TAMM41: variants seen among roughly 807,000 people sequenced by gnomAD.
TAMM41 encodes the protein TAM41 mitochondrial translocator assembly and maintenance homolog, also known as phosphatidate cytidylyltransferase, mitochondrial.
Under a neutral mutation model 44.1 loss-of-function variants are expected in TAMM41, and 36 were observed. The ratio of observed to expected loss-of-function variants is 0.82; its 90% CI spans 0.63 to 1.08. TAMM41 has a LOEUF of 1.08. Ranked by LOEUF, TAMM41 falls within the 50% of genes least tolerant of loss-of-function variation. The probability of loss-of-function intolerance (pLI) is 0.00; values close to 1 mark genes in which losing one functional copy is unlikely to be tolerated. For synonymous variants in TAMM41, 164 were observed against 153.1 expected (o/e 1.07, Z -0.53); for missense variants, 417 against 404.3 (o/e 1.03, Z -0.27).
chr3:11,737,027 G>A, the TAMM41 span, among the ~76,000 whole-genome samples: 3 of 151,924 alleles, frequency 2.0e-5, no homozygotes, highest in Non-Finnish European at 4.4e-5. Flanking sequence ...TCAGGAGTCC[G>A]TCTGCACCAG....
chr3:11,840,449 G>A (rs1263858164), intron 2 of TAMM41, among the ~76,000 whole-genome samples: 1 of 151,976 alleles, frequency 6.6e-6, no homozygotes, highest in African/African-American at 2.4e-5. Flanking sequence ...TGGCCAGGCT[G>A]GTCTCAAACT....
At chr3:11,736,439 C>A in the TAMM41 span, among the ~76,000 whole-genome samples, 1 of 152,150 alleles carries the variant, frequency 6.6e-6, no homozygotes, top group African/African-American at 2.4e-5. Flanking sequence ...GAGCAAGATG[C>A]CTTTTATTAG....
At chr3:11,806,068 T>C (rs1459354311) in intron 7 of TAMM41, among the ~76,000 whole-genome samples, 1 of 152,218 alleles carries the variant, frequency 6.6e-6, no homozygotes, top group African/African-American at 2.4e-5. Context: ...ATTTTGCTCC[T>C]CATTCACCTT....
chr3:11,784,221 G>A, the TAMM41 span, among the ~76,000 whole-genome samples: 1 of 152,160 alleles, frequency 6.6e-6, no homozygotes, highest in Non-Finnish European at 1.5e-5. Context: ...AAAAAATGAT[G>A]TGGTGGCTCA....
the TAMM41 span, among the ~76,000 whole-genome samples, chr3:11,725,318 C>G: frequency 1.5e-5 from 1 of 66,150 alleles, no homozygotes; most frequent in Non-Finnish European, 3.4e-5. Context: ...TTTTTCTTCT[C>G]CTCCTCCTCC....
chr3:11,838,949 T>G (rs2079307130), intron 3 of TAMM41, among the ~76,000 whole-genome samples: 1 of 152,082 alleles, frequency 6.6e-6, no homozygotes, highest in Non-Finnish European at 1.5e-5. Flanking sequence ...TTATGAATAA[T>G]AAAAGACCCT....
the TAMM41 span, among the ~76,000 whole-genome samples, chr3:11,747,477 A>G: frequency 1.3e-5 from 2 of 152,216 alleles, no homozygotes; most frequent in Non-Finnish European, 2.9e-5. Flanking sequence ...TATCTAAATT[A>G]TACTTCAAAG....
chr3:11,832,658 G>A (rs938173362), intron 3 of TAMM41, among the ~76,000 whole-genome samples: 3 of 152,132 alleles, frequency 2.0e-5, no homozygotes, highest in Non-Finnish European at 4.4e-5. Context: ...AAGTAGTGGC[G>A]AACTGGACCG....
At chr3:11,787,876 C>G (rs554503425), downstream of TAMM41, among the ~76,000 whole-genome samples, 3 of 152,282 alleles carry the variant, frequency 2.0e-5, no homozygotes, top group South Asian at 2.1e-4. Context: ...TACTTACTCC[C>G]GAAGAGTTCC....
Position 11,801,184 on chromosome 3 carries a change from T to G in TAMM41, c.937+6649A>C, listed in dbSNP as rs555006172. Among the ~76,000 whole-genome samples the G allele has an allele frequency of 4.6e-5, 7 of 151,972 alleles. No individual in the cohort carries two copies. The South Asian group carries it at 1.2e-3, about 27-fold the overall frequency. ...CTACAAAACAAGTCTTAACAAATTTTAAAAAATCAAAATCAAGTATCTTCT... is the reference window on the plus strand; with the variant it reads ...CTACAAAACAAGTCTTAACAAATTTGAAAAAATCAAAATCAAGTATCTTCT... On this transcript the variant is annotated intron_variant, in intron 7 of 7. Transcript: ENST00000455809.
the TAMM41 span, among the ~76,000 whole-genome samples, chr3:11,778,756 G>A: frequency 6.6e-6 from 1 of 151,994 alleles, no homozygotes; most frequent in Non-Finnish European, 1.5e-5. Context: ...AGTGATGTTG[G>A]GCACCTTCTC....
intron 4 of TAMM41, among the ~76,000 whole-genome samples, chr3:11,824,461 T>C (rs924629639): frequency 2.0e-5 from 3 of 150,024 alleles, no homozygotes; most frequent in Admixed American, 6.7e-5. Flanking sequence ...GCCCGGCTAA[T>C]TTCTGTATTT....
chr3:11,819,365 C>A (rs1317267253), intron 4 of TAMM41, among the ~76,000 whole-genome samples: 1 of 152,180 alleles, frequency 6.6e-6, no homozygotes, highest in Non-Finnish European at 1.5e-5. Context: ...CATTCATACA[C>A]AAGGGAACAA....
chr3:11,840,236 A>ATTT (rs34715548), intron 2 of TAMM41, among the ~76,000 whole-genome samples: 4 of 145,360 alleles, frequency 2.8e-5, no homozygotes, highest in Non-Finnish European at 4.5e-5. Context: ...AATTAAACTC[A>ATTT]TTTTTTTTTT....
At chr3:11,794,162 T>A (rs1050551838) in intron 7 of TAMM41, among the ~76,000 whole-genome samples, 1 of 145,886 alleles carries the variant, frequency 6.9e-6, no homozygotes, top group East Asian at 2.0e-4. Flanking sequence ...TTTTTTTTTT[T>A]TTTTTACTCT....
At chr3:11,742,353 A>C in the TAMM41 span, among the ~76,000 whole-genome samples, 1 of 150,356 alleles carries the variant, frequency 6.7e-6, no homozygotes, top group Non-Finnish European at 1.5e-5. Flanking sequence ...GCAACCTTAT[A>C]GGACTGGCTT....
Position 11,809,659 on chromosome 3 carries a change from C to T in TAMM41, c.732G>A (p.Gln244=). 1 of 1,613,366 alleles carries T rather than the reference C, an allele frequency of 6.2e-7. No individual in the cohort carries two copies. Among genetic ancestry groups the T allele is most frequent in the Non-Finnish European group, 8.5e-7 (1 of 1,179,898 alleles). ...WLEIDKSPEG[Q]FTQLMTLPKT... ...TGGGCAATGTCATCAGCTGAGTGAACTGTCCTTCTGGGCTTTTATCTATCT... is the reference window on the plus strand; with the variant it reads ...TGGGCAATGTCATCAGCTGAGTGAATTGTCCTTCTGGGCTTTTATCTATCT... The change falls in exon 6 of 8, where the codon CAG becomes CAA. Residue 244 remains glutamine, a synonymous_variant. Coordinates refer to ENST00000455809, the MANE Select transcript of TAMM41 (RefSeq NM_001284401.2).
chr3:11,812,164 C>G (rs7637841), intron 5 of TAMM41, among the ~76,000 whole-genome samples: 86,411 of 151,870 alleles, frequency 0.57, 26,538 homozygotes, highest in African/African-American at 0.78. Flanking sequence ...CTGGCCTCAA[C>G]TGATCCACCC....
intron 3 of TAMM41, among the ~76,000 whole-genome samples, chr3:11,834,181 A>T (rs1311112198): frequency 6.6e-6 from 1 of 152,012 alleles, no homozygotes; most frequent in African/African-American, 2.4e-5. Context: ...GAGGTCGAGT[A>T]AATTGTGTTC....
Sources: gnomAD v4.1 joint callset for allele counts (sites outside exome capture counted in the v4.1 genomes callset) on GRCh38, gnomAD v4.1.1 for gene constraint, MANE v1.5 for transcripts, NCBI Gene and HGNC (gene_info 2026-07-23, HGNC 2026-07-21) for gene names.